SCFD2: variants seen among roughly 807,000 people sequenced by gnomAD.
SCFD2 encodes the protein sec1 family domain containing 2, also known as sec1 family domain-containing protein 2.
Under a neutral mutation model 58.9 loss-of-function variants are expected in SCFD2, and 54 were observed. The observed-to-expected ratio is 0.92, with a 90% CI of 0.74 to 1.15. The LOEUF is 1.15. SCFD2 is among the 50% of genes most tolerant of loss of function. The pLI, the probability that SCFD2 is intolerant of heterozygous loss-of-function variation, is 0.00. For synonymous variants in SCFD2, 321 were observed against 335.9 expected (o/e 0.96, Z 0.49); for missense variants, 805 against 836.6 (o/e 0.96, Z 0.47).
chr4:52,977,857 T>C (rs1721288568), intron 5 of SCFD2, among the ~76,000 whole-genome samples: 3 of 152,320 alleles, frequency 2.0e-5, no homozygotes, highest in East Asian at 1.9e-4. Flanking sequence ...ACTTCATCTA[T>C]GCCACAGACT....
intron 3 of SCFD2, among the ~76,000 whole-genome samples, chr4:53,306,771 G>A (rs1199781469): frequency 2.0e-5 from 3 of 152,198 alleles, no homozygotes; most frequent in Non-Finnish European, 4.4e-5. Context: ...AGAAGCCAGA[G>A]CAATTTATTC....
intron 2 of SCFD2, among the ~76,000 whole-genome samples, chr4:53,330,120 T>C (rs570849429): frequency 6.6e-6 from 1 of 152,240 alleles, no homozygotes; most frequent in African/African-American, 2.4e-5. Flanking sequence ...TACGTCTGAT[T>C]GCTGTACCTG....
intron 5 of SCFD2, among the ~76,000 whole-genome samples, chr4:52,968,628 G>A (rs546964492): frequency 6.6e-6 from 1 of 152,354 alleles, no homozygotes; most frequent in South Asian, 2.1e-4. Context: ...CCTAGCCACA[G>A]GGAAGTGGGT....
intron 2 of SCFD2, among the ~76,000 whole-genome samples, chr4:53,331,246 C>G (rs1434374244): frequency 3.3e-5 from 5 of 151,064 alleles, no homozygotes; most frequent in South Asian, 4.3e-4. Context: ...CCAAGCGGAC[C>G]TAATAGACAT....
intron 4 of SCFD2, among the ~76,000 whole-genome samples, chr4:53,164,031 C>T (rs557597817): frequency 6.6e-6 from 1 of 152,282 alleles, no homozygotes; most frequent in African/African-American, 2.4e-5. Context: ...CATTTAGCAT[C>T]TCTAGGTCTC....
At chr4:53,214,047 G>T (rs1160233285) in intron 4 of SCFD2, among the ~76,000 whole-genome samples, 1 of 152,038 alleles carries the variant, frequency 6.6e-6, no homozygotes, top group African/African-American at 2.4e-5. Flanking sequence ...TCTTAATCCA[G>T]TCTATCATTC....
At chr4:53,023,765 G>C (rs769058389) in intron 5 of SCFD2, among the ~76,000 whole-genome samples, 9 of 152,142 alleles carry the variant, frequency 5.9e-5, no homozygotes, top group Non-Finnish European at 4.4e-5. Flanking sequence ...ATGAGGCATA[G>C]TATTAATAAA....
intron 4 of SCFD2, among the ~76,000 whole-genome samples, chr4:53,251,283 C>G (rs1291222291): frequency 2.0e-5 from 3 of 152,118 alleles, no homozygotes; most frequent in Non-Finnish European, 4.4e-5. Context: ...GATGGATTCA[C>G]AGCCGAATTC....
intron 2 of SCFD2, among the ~76,000 whole-genome samples, chr4:53,331,869 AAG>A: frequency 6.6e-6 from 1 of 152,330 alleles, no homozygotes; most frequent in East Asian, 1.9e-4. Context: ...TAAAGAAAAA[AAG>A]AGAGAAGAAT....
intron 5 of SCFD2, among the ~76,000 whole-genome samples, chr4:53,105,053 G>A (rs1458027834): frequency 1.3e-5 from 2 of 152,210 alleles, no homozygotes; most frequent in East Asian, 3.9e-4. Flanking sequence ...GAAGTGGGGT[G>A]GGGCATTGCC....
At chr4:53,010,713 T>C (rs1722075241) in intron 5 of SCFD2, among the ~76,000 whole-genome samples, 1 of 152,216 alleles carries the variant, frequency 6.6e-6, no homozygotes, top group East Asian at 1.9e-4. Context: ...TTAGGTATGG[T>C]ATTGGTCACC....
chr4:53,148,586 T>A (rs1726408123), intron 4 of SCFD2, among the ~76,000 whole-genome samples: 1 of 152,244 alleles, frequency 6.6e-6, no homozygotes, highest in Non-Finnish European at 1.5e-5. Flanking sequence ...AGAGGATGGC[T>A]GGGCAATAAG....
intron 4 of SCFD2, among the ~76,000 whole-genome samples, chr4:53,237,811 G>T (rs1729700178): frequency 4.2e-5 from 1 of 23,834 alleles, no homozygotes; most frequent in African/African-American, 2.0e-4. Context: ...CGGCTGGCCG[G>T]GCAGAGGGGC....
intron 5 of SCFD2, among the ~76,000 whole-genome samples, chr4:53,111,764 C>G (rs1725179753): frequency 6.6e-6 from 1 of 152,038 alleles, no homozygotes; most frequent in South Asian, 2.1e-4. Flanking sequence ...AACTATATTT[C>G]AAGAGCACTT....
At chr4:53,132,666 C>A (rs1725817742) in intron 5 of SCFD2, among the ~76,000 whole-genome samples, 1 of 152,166 alleles carries the variant, frequency 6.6e-6, no homozygotes. Context: ...GTGGATTTGA[C>A]AGTCATTGTT....
At position 52,877,979 on chromosome 4, in the gene SCFD2, C is replaced by A. The variant is rs558304876; in HGVS notation, c.1963-3918G>T. Among the ~76,000 whole-genome samples the A allele has an allele frequency of 2.0e-5, 3 of 152,288 alleles. No individual in the cohort carries two copies. In the South Asian group the frequency reaches 6.2e-4, roughly 32 times the overall value. On this transcript the variant is annotated intron_variant, in intron 8 of 8. Transcript: ENST00000401642. ...TAACTCCTCGCAATTTCACACCTGGCACTTTGGGGATGCTTCTTTGTCTGG... is the reference window on the plus strand; with the variant it reads ...TAACTCCTCGCAATTTCACACCTGGAACTTTGGGGATGCTTCTTTGTCTGG...
At chr4:53,296,819 G>A (rs1230332132) in intron 3 of SCFD2, among the ~76,000 whole-genome samples, 1 of 152,168 alleles carries the variant, frequency 6.6e-6, no homozygotes, top group East Asian at 1.9e-4. Context: ...AAGTGTCCCA[G>A]AGATTCTGGT....
At chr4:53,184,698 C>A (rs1253130878) in intron 4 of SCFD2, among the ~76,000 whole-genome samples, 1 of 152,074 alleles carries the variant, frequency 6.6e-6, no homozygotes, top group Non-Finnish European at 1.5e-5. Flanking sequence ...AAGCTGTTGG[C>A]AATAGGGAAC....
chr4:52,921,186 C>G (rs570819195), intron 5 of SCFD2, among the ~76,000 whole-genome samples: 1 of 152,186 alleles, frequency 6.6e-6, no homozygotes, highest in African/African-American at 2.4e-5. Flanking sequence ...GCCCATAATC[C>G]TCGGAACACG....
Sources: allele counts gnomAD v4.1 joint callset (sites outside exome capture counted in the v4.1 genomes callset), GRCh38; gene constraint gnomAD v4.1.1; transcripts MANE v1.5; gene names NCBI Gene and HGNC (gene_info 2026-07-23, HGNC 2026-07-21).